The following GNAO1 variants were observed in gnomAD, a reference collection of about 807,000 sequenced individuals.
GNAO1 encodes the protein G protein subunit alpha o1.
For missense variants in GNAO1, 166 were observed against 478.7 expected (o/e 0.35, Z 6.10); for synonymous variants, 164 against 180.7 (o/e 0.91, Z 0.74).
chr16:56,344,022 C>T, intron 6 of GNAO1: 1 of 1,582,962 alleles, frequency 6.3e-7, no homozygotes, highest in Non-Finnish European at 8.6e-7. Context: ...CCAGGCTCCA[C>T]CACTCTCAGA....
chr16:56,299,927 T>TG (rs1412094252), intron 3 of GNAO1, among the ~76,000 whole-genome samples: 2 of 152,162 alleles, frequency 1.3e-5, no homozygotes, highest in Non-Finnish European at 2.9e-5. Context: ...ACCACTCAGA[T>TG]GCCTGTGTTT....
chr16:56,227,754 C>T (rs1567446037), intron 2 of GNAO1, among the ~76,000 whole-genome samples: 1 of 150,814 alleles, frequency 6.6e-6, no homozygotes, highest in Non-Finnish European at 1.5e-5. Flanking sequence ...AAAGCAATCC[C>T]ACCTCTTTCC....
chr16:56,344,417 G>A (rs1345520910), intron 6 of GNAO1: 15 of 1,007,004 alleles, frequency 1.5e-5, no homozygotes, highest in South Asian at 4.3e-5. Flanking sequence ...GGGCAGTTCC[G>A]TCAACAAAAG....
At position 56,326,396 on chromosome 16, in the gene GNAO1, A is replaced by C. The variant is rs1440797167; in HGVS notation, c.304-2235A>C. On this transcript the variant is annotated intron_variant, in intron 3 of 8. Coordinates refer to ENST00000262493, the MANE Select transcript of GNAO1 (RefSeq NM_020988.3). This position sits in a 1 kb window ranked among gnomAD's most constrained non-coding sequence, Gnocchi z 4.8. ...CAGGGTATGTCTGGTGCCTGGGCTG[A>C]GACAGGGGCTTGCTGTCCTCAAGAC... is the stretch of plus-strand genomic sequence containing the variant. Among the ~76,000 whole-genome samples, 2 of 152,174 alleles carry C rather than the reference A, an allele frequency of 1.3e-5. No homozygotes were observed. The highest frequency in any genetic ancestry group is 2.9e-5 in the Non-Finnish European group (2 of 68,038).
intron 2 of GNAO1, chr16:56,226,295 G>A (rs1260478680): frequency 6.6e-6 from 1 of 152,206 alleles, no homozygotes; most frequent in Non-Finnish European, 1.5e-5. Flanking sequence ...GCCTACTTAT[G>A]ATTAGGATAG....
rs1270076144 is a variant in GNAO1, at chr16:56,256,714, CTCTCTGTGTGTG to C, written c.162-19215_162-19204del. ...TCTCTCTCTCTCTCTCTCTCTCTCT[CTCTCTGTGTGTG>C]TGTGTGTGTGTGTGTGTGTGTGTGT... is the stretch of plus-strand genomic sequence containing the variant. On this transcript the variant is annotated intron_variant, in intron 2 of 8. Transcript: ENST00000262493. Among the ~76,000 whole-genome samples the C allele has an allele frequency of 5.3e-4, 66 of 123,478 alleles. 1 individual carries two copies. Among genetic ancestry groups the C allele is most frequent in the Admixed American group, 2.1e-3 (26 of 12,496 alleles). The allele number at this position is 123,478 out of a possible 152,430, so 81.0% of individuals were successfully genotyped here. A position where few individuals can be genotyped will look rare whatever the true frequency, so the allele number is the denominator to read the frequency against.
chr16:56,243,658 G>A (rs1172640746), intron 2 of GNAO1, among the ~76,000 whole-genome samples: 1 of 151,840 alleles, frequency 6.6e-6, no homozygotes, highest in Non-Finnish European at 1.5e-5. Context: ...GGAGGGTAGG[G>A]GGTGACAGCT....
chr16:56,333,908 G>A (rs1039238760), intron 4 of GNAO1, among the ~76,000 whole-genome samples: 1 of 152,244 alleles, frequency 6.6e-6, no homozygotes, highest in Non-Finnish European at 1.5e-5. Flanking sequence ...GCCTGGCCCA[G>A]CTCCCCACTT....
At chr16:56,248,508 A>G (rs1386046570) in intron 2 of GNAO1, among the ~76,000 whole-genome samples, 1 of 152,222 alleles carries the variant, frequency 6.6e-6, no homozygotes. Context: ...TGGGTGAGAC[A>G]GGTCCTCAGC....
At chr16:56,205,637 T>A (rs1430990428) in intron 2 of GNAO1, among the ~76,000 whole-genome samples, 1 of 152,218 alleles carries the variant, frequency 6.6e-6, no homozygotes, top group Non-Finnish European at 1.5e-5. Flanking sequence ...CCCTTGCTAT[T>A]CCCTGTCTTC....
intron 2 of GNAO1, among the ~76,000 whole-genome samples, chr16:56,208,716 G>A (rs2036356022): frequency 6.6e-6 from 1 of 151,948 alleles, no homozygotes; most frequent in Non-Finnish European, 1.5e-5. Context: ...ACTTTACATA[G>A]TCTAGATTGC....
intron 2 of GNAO1, among the ~76,000 whole-genome samples, chr16:56,206,919 G>T (rs1350086312): frequency 6.6e-6 from 1 of 152,170 alleles, no homozygotes; most frequent in Admixed American, 6.5e-5. Flanking sequence ...TTATTGATGT[G>T]TGTTCCTAGT....
At chr16:56,287,814 G>T (rs1475225764) in intron 3 of GNAO1, among the ~76,000 whole-genome samples, 2 of 152,052 alleles carry the variant, frequency 1.3e-5, no homozygotes, top group African/African-American at 4.8e-5. Flanking sequence ...TTCTGACTCA[G>T]GGCCCAGCAT....
At chr16:56,310,939 A>T (rs576009029) in intron 3 of GNAO1, among the ~76,000 whole-genome samples, 282 of 152,238 alleles carry the variant, frequency 1.9e-3, no homozygotes, top group Middle Eastern at 3.4e-3. Context: ...AGACACACTC[A>T]CATCTTAAGA....
chr16:56,260,095 C>T (rs749775846), intron 2 of GNAO1, among the ~76,000 whole-genome samples: 1 of 152,174 alleles, frequency 6.6e-6, no homozygotes, highest in Non-Finnish European at 1.5e-5. Flanking sequence ...TTGACTACAG[C>T]TGATGTCAGG....
At position 56,351,623 on chromosome 16, in the gene GNAO1, G is replaced by T; in HGVS notation, c.877+86G>T. 3 of 1,027,060 alleles carry T rather than the reference G, an allele frequency of 2.9e-6. No homozygotes were observed. Among genetic ancestry groups the T allele is most frequent in the Non-Finnish European group, 4.4e-6 (3 of 683,710 alleles). 63.6% of individuals were successfully genotyped at this position (1,027,060 alleles called of 1,614,324 possible). On this transcript the variant is annotated intron_variant, in intron 7 of 8. Coordinates refer to ENST00000262493, the MANE Select transcript of GNAO1 (RefSeq NM_020988.3). This position sits in a 1 kb window ranked among gnomAD's most constrained non-coding sequence, Gnocchi z 6.1. ...GAGAACAGGCTGCTCGGCCAGCACTGCTGGGGCTAGCTGGCGAGCGGGACC... is the reference window on the plus strand; with the variant it reads ...GAGAACAGGCTGCTCGGCCAGCACTTCTGGGGCTAGCTGGCGAGCGGGACC...
Position 56,278,684 on chromosome 16 carries a change from T to C in GNAO1, c.303+2612T>C, listed in dbSNP as rs915232007. ...GTGACTGCATAATGTCAGATAATGC[T>C]AAGGGCTGCAAGGAAAACAAAATAA... On this transcript the variant is annotated intron_variant, in intron 3 of 8. Coordinates refer to ENST00000262493, the MANE Select transcript of GNAO1 (RefSeq NM_020988.3). 6.6e-5 allele frequency among the ~76,000 whole-genome samples: 10 copies of C among 152,070 alleles called. 1 individual carries two copies. Among genetic ancestry groups the C allele is most frequent in the Admixed American group, 1.3e-4 (2 of 15,270 alleles).
intron 2 of GNAO1, among the ~76,000 whole-genome samples, chr16:56,230,064 G>T (rs2036574012): frequency 6.6e-6 from 1 of 151,870 alleles, no homozygotes; most frequent in African/African-American, 2.4e-5. Flanking sequence ...AACTCCTCCT[G>T]TTTGTTTTAC....
intron 3 of GNAO1, among the ~76,000 whole-genome samples, chr16:56,324,386 T>C: frequency 6.6e-6 from 1 of 152,126 alleles, no homozygotes; most frequent in Non-Finnish European, 1.5e-5. Context: ...TTGTTCTGAC[T>C]CAGGTGCTCC....
Sources: gnomAD v4.1 joint callset for allele counts (sites outside exome capture counted in the v4.1 genomes callset) on GRCh38, gnomAD v4.1.1 for gene constraint, Gnocchi (gnomAD v3.1) non-coding constraint, MANE v1.5 for transcripts, NCBI Gene and HGNC (gene_info 2026-07-23, HGNC 2026-07-21) for gene names.